The following PITPNM3 variants were observed in gnomAD, a reference collection of about 807,000 sequenced individuals.
The protein encoded by PITPNM3 is membrane-associated phosphatidylinositol transfer protein 3.
A neutral mutation model predicts 102.0 loss-of-function variants in PITPNM3; 26 were observed. The observed-to-expected ratio is 0.25, with a 90% confidence interval of 0.19 to 0.35. The LOEUF (loss-of-function observed/expected upper bound fraction) is 0.35, where lower values mean the gene tolerates loss of function less well. Among genes scored for constraint, PITPNM3 ranks in the 10% least tolerant of loss-of-function variants. The pLI is 1.00. For missense variants in PITPNM3, 1,083 were observed against 1,346.1 expected (o/e 0.80, Z 3.06); for synonymous variants, 578 against 558.6 (o/e 1.03, Z -0.49).
intron 2 of PITPNM3, among the ~76,000 whole-genome samples, chr17:6,527,337 T>C (rs573411665): frequency 6.6e-6 from 1 of 152,330 alleles, no homozygotes; most frequent in African/African-American, 2.4e-5. Flanking sequence ...AGTTTCCTCA[T>C]CTAAAAGTGA....
chr17:6,501,050 T>C (rs930378553), intron 4 of PITPNM3, among the ~76,000 whole-genome samples: 1 of 152,136 alleles, frequency 6.6e-6, no homozygotes, highest in Non-Finnish European at 1.5e-5. Context: ...TAAACACACA[T>C]TTTTCTTCAG....
chr17:6,491,094 AGGGAG>A (rs1204613479), intron 4 of PITPNM3, among the ~76,000 whole-genome samples: 2 of 21,008 alleles, frequency 9.5e-5, no homozygotes, highest in Non-Finnish European at 1.7e-4. Flanking sequence ...GGGGAAGGGA[AGGGAG>A]GGGAGGGGAG....
chr17:6,494,159 T>C (rs1209996964), intron 4 of PITPNM3, among the ~76,000 whole-genome samples: 1 of 152,048 alleles, frequency 6.6e-6, no homozygotes, highest in East Asian at 1.9e-4. Context: ...AAACCAAGGA[T>C]TGGAAAGGTA....
At chr17:6,527,017 G>A (rs895360215) in intron 2 of PITPNM3, among the ~76,000 whole-genome samples, 6 of 152,188 alleles carry the variant, frequency 3.9e-5, no homozygotes, top group African/African-American at 1.4e-4. Flanking sequence ...GCAGGGCCCT[G>A]ACCAGGTTCC....
In PITPNM3 at chr17:6,522,286, G is replaced by GCGCACACACACACA. The variant is rs145090085; in HGVS notation, c.226+3069_226+3070insTGTGTGTGTGTGCG. ...GACCCATGAGGTATATTTAGTGTGC[G>GCGCACACACACACA]CACACACACACACACACACACACAC... On this transcript the variant is annotated intron_variant, in intron 3 of 19. Coordinates refer to ENST00000262483, the MANE Select transcript of PITPNM3 (RefSeq NM_031220.4). Among the ~76,000 whole-genome samples, 657 of 149,310 alleles carry GCGCACACACACACA rather than the reference G, an allele frequency of 4.4e-3. 8 individuals carry two copies. The highest frequency in any genetic ancestry group is 0.015 in the African/African-American group (624 of 40,578).
chr17:6,541,283 A>AAG (rs1487476425), intron 1 of PITPNM3, among the ~76,000 whole-genome samples: 10 of 61,384 alleles, frequency 1.6e-4, no homozygotes, highest in South Asian at 7.8e-4. Flanking sequence ...CAGATATGCT[A>AAG]AGAGTGTGTG....
chr17:6,483,823 A>C, intron 5 of PITPNM3, 71 bp from the exon 6 acceptor site: 1 of 1,315,526 alleles, frequency 7.6e-7, no homozygotes, highest in Non-Finnish European at 1.1e-6. Context: ...AGGGACACAC[A>C]CACACATGTG....
rs893605908 is a variant in PITPNM3 at position 6,468,697 on chromosome 17, G to A, written c.1774-356C>T. Among the ~76,000 whole-genome samples the A allele has an allele frequency of 6.6e-5, 10 of 152,100 alleles. No individual in the cohort carries two copies. Among genetic ancestry groups the A allele is most frequent in the Admixed American group, 3.9e-4 (6 of 15,272 alleles). ...TGATCCCAGCCCCTCCTTGCTTCTTGAGGACGTTGCTCCAGCCATGCTCCC... is the reference window on the plus strand; with the variant it reads ...TGATCCCAGCCCCTCCTTGCTTCTTAAGGACGTTGCTCCAGCCATGCTCCC... On this transcript the variant is annotated intron_variant, in intron 13 of 19. Coordinates refer to ENST00000262483, the MANE Select transcript of PITPNM3 (RefSeq NM_031220.4). This position sits in a 1 kb window ranked among gnomAD's most constrained non-coding sequence, Gnocchi z 5.2.
At position 6,470,961 on chromosome 17, in the gene PITPNM3, A is replaced by G. The variant is rs1178295983; in HGVS notation, c.1624+200T>C. Among the ~76,000 whole-genome samples, 3 of 152,130 alleles carry G rather than the reference A, an allele frequency of 2.0e-5. No homozygotes were observed. Among genetic ancestry groups the G allele is most frequent in the Non-Finnish European group, 4.4e-5 (3 of 68,014 alleles). ...AGGTCAGAGCTCAGTTTGGGGCCAG[A>G]GTGAGGATCTGGACCGATGCCAGGT... On this transcript the variant is annotated intron_variant, in intron 12 of 19. Transcript: ENST00000262483. This position sits in a 1 kb window ranked among gnomAD's most constrained non-coding sequence, Gnocchi z 4.8.
At chr17:6,455,691 G>A (rs774150943) in intron 19 of PITPNM3, 48 bp from the exon 20 acceptor site, 21 of 1,127,810 alleles carry the variant, frequency 1.9e-5, no homozygotes, top group Non-Finnish European at 2.4e-5. Flanking sequence ...GGGCAGCAGC[G>A]CAGGGGGAAG....
intron 4 of PITPNM3, among the ~76,000 whole-genome samples, chr17:6,497,953 A>G (rs1052664045): frequency 6.6e-6 from 1 of 152,170 alleles, no homozygotes; most frequent in Admixed American, 6.5e-5. Flanking sequence ...AGGGAGAGGC[A>G]TGGAGCGGGT....
chr17:6,503,499 T>C (rs1907309739), intron 4 of PITPNM3, 28 bp downstream of exon 4: 4 of 1,611,204 alleles, frequency 2.5e-6, no homozygotes, highest in Non-Finnish European at 3.4e-6. Flanking sequence ...GGGGAAGAAA[T>C]GACCCCACAG....
At chr17:6,533,959 C>T (rs1413416560) in intron 2 of PITPNM3, among the ~76,000 whole-genome samples, 1 of 152,204 alleles carries the variant, frequency 6.6e-6, no homozygotes, top group Non-Finnish European at 1.5e-5. Context: ...CTAGCTCCCG[C>T]TCTGCCTCTT....
chr17:6,471,383 G>T (rs371143915), intron 11 of PITPNM3, 28 bp from the exon 12 acceptor site: 3 of 1,535,802 alleles, frequency 2.0e-6, no homozygotes, highest in Non-Finnish European at 2.6e-6. Context: ...AGGTCAGGCT[G>T]AGTCACGTGT....
chr17:6,521,435 T>C (rs1908510569), intron 3 of PITPNM3: 1 of 152,142 alleles, frequency 6.6e-6, no homozygotes, highest in Admixed American at 6.6e-5. Flanking sequence ...ATTGTTAAAA[T>C]GGTAAATTTT....
intron 1 of PITPNM3, among the ~76,000 whole-genome samples, chr17:6,546,290 C>G (rs897330602): frequency 6.6e-6 from 1 of 152,252 alleles, no homozygotes; most frequent in Non-Finnish European, 1.5e-5. Flanking sequence ...AAGGGCCTAT[C>G]TGCCCGAGTA....
chr17:6,478,940 TC>T lies in PITPNM3; in HGVS notation c.588-205del. On this transcript the variant is annotated intron_variant, in intron 6 of 19. Transcript: ENST00000262483. The surrounding 1 kb of genome is among the most constrained non-coding windows in gnomAD (Gnocchi z 4.4). ...GAAGAGGATTCAAGCCTACACTGACTCCCTGTGTGTCCTTCCCGTGCTGGCC... is the reference window on the plus strand; with the variant it reads ...GAAGAGGATTCAAGCCTACACTGACTCCTGTGTGTCCTTCCCGTGCTGGCC... 1.7e-6 allele frequency: 1 copy of T among 601,102 alleles called. No individual in the cohort carries two copies. 37.2% of individuals were successfully genotyped at this position (601,102 alleles called of 1,614,324 possible).
At chr17:6,512,639 A>T (rs1354449158) in intron 3 of PITPNM3, among the ~76,000 whole-genome samples, 1 of 152,150 alleles carries the variant, frequency 6.6e-6, no homozygotes, top group East Asian at 1.9e-4. Flanking sequence ...TAGTCCAGGG[A>T]CCACTCTTTG....
rs187527066 is a variant in PITPNM3, at chr17:6,542,101, C to T, written c.23-4019G>A. Among the ~76,000 whole-genome samples, 374 of 152,322 alleles carry T rather than the reference C, an allele frequency of 2.5e-3. 3 individuals carry two copies. The highest frequency in any genetic ancestry group is 8.5e-3 in the African/African-American group (353 of 41,576). On this transcript the variant is annotated intron_variant, in intron 1 of 19. Coordinates refer to ENST00000262483, the MANE Select transcript of PITPNM3 (RefSeq NM_031220.4). ...GCCCGCTCTCTTGGAAATAGCAACCCTTCTACCTGTTTCTGGCCAGCTGGG... is the reference window on the plus strand; with the variant it reads ...GCCCGCTCTCTTGGAAATAGCAACCTTTCTACCTGTTTCTGGCCAGCTGGG...
Sources: gnomAD v4.1 joint callset for allele counts (sites outside exome capture counted in the v4.1 genomes callset) on GRCh38, gnomAD v4.1.1 for gene constraint, Gnocchi (gnomAD v3.1) non-coding constraint, MANE v1.5 for transcripts, NCBI Gene and HGNC (gene_info 2026-07-23, HGNC 2026-07-21) for gene names.